The following CADM2 variants were observed in gnomAD, a reference collection of about 807,000 sequenced individuals.
The protein encoded by CADM2 is immunoglobulin superfamily member 4D.
In CADM2, 12 loss-of-function variants were observed where a neutral mutation model predicts 49.8. That is an observed-to-expected ratio of 0.24 (90% CI 0.15 to 0.39). CADM2 has a LOEUF of 0.39. Among genes scored for constraint, CADM2 ranks in the 10% least tolerant of loss-of-function variants. The pLI is 1.00. For synonymous variants in CADM2, 214 were observed against 175.4 expected, an observed-to-expected ratio of 1.22 and a Z score of -1.74; for missense variants, 378 against 492.3, an observed-to-expected ratio of 0.77 and a Z score of 2.20.
intron 2 of CADM2, 151 bp from the exon 3 acceptor site, chr3:85,801,896 T>A (rs2072066544): frequency 1.7e-6 from 1 of 576,632 alleles, no homozygotes; most frequent in Admixed American, 3.7e-5. Flanking sequence ...GATTTTCAAT[T>A]ATTTTTCTGT....
intron 1 of CADM2, among the ~76,000 whole-genome samples, chr3:85,449,049 C>CAAAAAA (rs1454869300): frequency 4.8e-5 from 2 of 41,530 alleles, no homozygotes; most frequent in Non-Finnish European, 1.2e-4. Flanking sequence ...GACTCCAACT[C>CAAAAAA]AAAAATAATA....
chr3:85,050,134 A>G (rs1477026002), intron 1 of CADM2, among the ~76,000 whole-genome samples: 1 of 152,108 alleles, frequency 6.6e-6, no homozygotes, highest in Non-Finnish European at 1.5e-5. Flanking sequence ...GGGGCTATGT[A>G]TTAGTGAACA....
At chr3:84,990,144 A>G (rs988828385) in intron 1 of CADM2, among the ~76,000 whole-genome samples, 2 of 151,764 alleles carry the variant, frequency 1.3e-5, no homozygotes, top group African/African-American at 2.4e-5. Flanking sequence ...ATATAATTCT[A>G]TCCATTAACA....
chr3:85,812,777 C>A (rs919839953), intron 3 of CADM2, among the ~76,000 whole-genome samples: 1 of 152,130 alleles, frequency 6.6e-6, no homozygotes, highest in Admixed American at 6.5e-5. Flanking sequence ...TCAACTACCA[C>A]TTATGAGTGA....
At chr3:85,677,044 A>G (rs1191936342) in intron 1 of CADM2, among the ~76,000 whole-genome samples, 1 of 152,172 alleles carries the variant, frequency 6.6e-6, no homozygotes, top group Non-Finnish European at 1.5e-5. Context: ...TCAGGCCCAC[A>G]TAGGACACTT....
At chr3:85,391,590 G>A (rs1041754482) in intron 1 of CADM2, among the ~76,000 whole-genome samples, 6 of 152,040 alleles carry the variant, frequency 3.9e-5, no homozygotes, top group Admixed American at 6.6e-5. Flanking sequence ...TGACACAACA[G>A]AAGAATTATA....
At chr3:85,842,708 T>C (rs1486959013) in intron 3 of CADM2, among the ~76,000 whole-genome samples, 1 of 152,140 alleles carries the variant, frequency 6.6e-6, no homozygotes, top group African/African-American at 2.4e-5. Context: ...TCCCCTATAT[T>C]TTAATTCAAC....
chr3:85,044,163 C>T (rs189714712), intron 1 of CADM2, among the ~76,000 whole-genome samples: 1 of 152,282 alleles, frequency 6.6e-6, no homozygotes, highest in East Asian at 1.9e-4. Flanking sequence ...ACAAATGATC[C>T]TGTGCCTATG....
intron 2 of CADM2, among the ~76,000 whole-genome samples, chr3:85,765,576 C>G (rs1236945997): frequency 1.3e-5 from 2 of 151,930 alleles, no homozygotes; most frequent in African/African-American, 2.4e-5. Context: ...TCCTCTAATT[C>G]CTTTATATGG....
chr3:85,015,174 A>G (rs541015060), intron 1 of CADM2, among the ~76,000 whole-genome samples: 2 of 152,174 alleles, frequency 1.3e-5, no homozygotes, highest in East Asian at 3.9e-4. Flanking sequence ...TATATATATA[A>G]TAGATGTGTA....
At chr3:85,612,160 G>C (rs1315828713) in intron 1 of CADM2, among the ~76,000 whole-genome samples, 1 of 151,664 alleles carries the variant, frequency 6.6e-6, no homozygotes, top group Non-Finnish European at 1.5e-5. Context: ...CACCAAAATT[G>C]GTTTAAAATT....
At chr3:85,937,331 A>T (rs1040360132) in intron 7 of CADM2, among the ~76,000 whole-genome samples, 1 of 151,880 alleles carries the variant, frequency 6.6e-6, no homozygotes, top group African/African-American at 2.4e-5. Context: ...TACAAATTTC[A>T]AGAGATTTAT....
chr3:85,184,018 G>A (rs2068057626), intron 1 of CADM2, among the ~76,000 whole-genome samples: 1 of 152,108 alleles, frequency 6.6e-6, no homozygotes, highest in Non-Finnish European at 1.5e-5. Context: ...ATCATTAGGT[G>A]TTTGAATGAC....
chr3:85,812,052 T>A (rs1469378704), intron 3 of CADM2, among the ~76,000 whole-genome samples: 1 of 152,088 alleles, frequency 6.6e-6, no homozygotes, highest in Non-Finnish European at 1.5e-5. Context: ...CTGGGAATTA[T>A]GCTGGGCATT....
At chr3:85,382,295 G>C (rs1323463425) in intron 1 of CADM2, among the ~76,000 whole-genome samples, 2 of 152,098 alleles carry the variant, frequency 1.3e-5, no homozygotes, top group Non-Finnish European at 2.9e-5. Context: ...CTACAAAAAG[G>C]CCTCTATGAG....
intron 2 of CADM2, among the ~76,000 whole-genome samples, chr3:85,792,045 T>C (rs527926635): frequency 1.1e-4 from 16 of 152,150 alleles, no homozygotes; most frequent in African/African-American, 3.9e-4. Context: ...TGTTTAAGAA[T>C]TGTTAACTTA....
chr3:85,899,953 T>C (rs997628854), intron 5 of CADM2, among the ~76,000 whole-genome samples: 1 of 152,168 alleles, frequency 6.6e-6, no homozygotes, highest in African/African-American at 2.4e-5. Flanking sequence ...ATCTCTCTTC[T>C]TCTCGGTACT....
At chr3:85,766,502 G>A (rs2069662854) in intron 2 of CADM2, among the ~76,000 whole-genome samples, 1 of 152,206 alleles carries the variant, frequency 6.6e-6, no homozygotes, top group Non-Finnish European at 1.5e-5. Context: ...TAGCCACTAT[G>A]TGGTAGAAGG....
chr3:85,722,760 G>C (rs2067553736), intron 1 of CADM2, among the ~76,000 whole-genome samples: 1 of 152,162 alleles, frequency 6.6e-6, no homozygotes. Flanking sequence ...TATCAGTCTT[G>C]AGACGGGTGA....
Sources: allele counts gnomAD v4.1 joint callset (sites outside exome capture counted in the v4.1 genomes callset), GRCh38; gene constraint gnomAD v4.1.1; transcripts MANE v1.5; gene names NCBI Gene and HGNC (gene_info 2026-07-23, HGNC 2026-07-21).